Variants in TMEM40 observed in about 807,000 individuals in gnomAD.
The protein encoded by TMEM40 is transmembrane protein 40.
A neutral mutation model predicts 40.8 loss-of-function variants in TMEM40; 34 were observed. The ratio of observed to expected loss-of-function variants is 0.83; its 90% CI spans 0.63 to 1.11. The LOEUF (loss-of-function observed/expected upper bound fraction) is 1.11. Ranked by LOEUF, TMEM40 falls within the 50% of genes least tolerant of loss-of-function variation. The pLI is 0.00. For synonymous variants in TMEM40, 106 were observed against 107.0 expected (o/e 0.99, Z 0.06); for missense variants, 296 against 280.2 (o/e 1.06, Z -0.40).
At position 12,743,896 on chromosome 3, in the gene TMEM40, C is replaced by T. The variant is rs755898129; in HGVS notation, c.301+4G>A. On this transcript the variant is annotated splice_donor_region_variant and intron_variant, in intron 4 of 11. Transcript: ENST00000314124. Reference sequence around the variant, plus strand: ...AAAGAAAAATGGTAAGGCCTATTTCCTACCGGGTGAGCCGTTCCCGTGGGG... The same window carrying T: ...AAAGAAAAATGGTAAGGCCTATTTCTTACCGGGTGAGCCGTTCCCGTGGGG... The T allele has an allele frequency of 6.8e-6, 11 of 1,612,972 alleles. No homozygotes were observed. The South Asian group carries it at 9.9e-5, about 15-fold the overall frequency.
chr3:12,749,191 A>T (rs2106615666), intron 2 of TMEM40, among the ~76,000 whole-genome samples: 1 of 151,898 alleles, frequency 6.6e-6, no homozygotes, highest in Non-Finnish European at 1.5e-5. Context: ...CACCCGGCTA[A>T]TTTTTTGTAT....
At chr3:12,754,242 G>A (rs1319442161) in intron 1 of TMEM40, among the ~76,000 whole-genome samples, 1 of 152,152 alleles carries the variant, frequency 6.6e-6, no homozygotes, top group Non-Finnish European at 1.5e-5. Context: ...AACCCGGGAG[G>A]TGGAGCTGGC....
chr3:12,739,256 G>C (rs2061362587), intron 5 of TMEM40: 1 of 152,044 alleles, frequency 6.6e-6, no homozygotes, highest in South Asian at 2.1e-4. Context: ...AAAAGCCCTT[G>C]ACATTTACAA....
At chr3:12,742,548 CAG>C (rs1264559673) in intron 4 of TMEM40, 41 bp from the exon 5 acceptor site, 2 of 1,607,106 alleles carry the variant, frequency 1.2e-6, no homozygotes, top group South Asian at 1.1e-5. Context: ...TCCCCAAACA[CAG>C]TGATCCAGGC....
At chr3:12,741,040 G>A (rs1575732864) in intron 5 of TMEM40, among the ~76,000 whole-genome samples, 1 of 152,190 alleles carries the variant, frequency 6.6e-6, no homozygotes, top group South Asian at 2.1e-4. Context: ...GACTAGACAG[G>A]CAACTCCAAG....
chr3:12,734,609 G>C lies in TMEM40; in HGVS notation c.*165C>G. 1.3e-6 allele frequency: 1 copy of C among 779,292 alleles called. No individual in the cohort carries two copies. The highest frequency in any genetic ancestry group is 1.7e-5 in the South Asian group (1 of 57,714). 48.3% of individuals were successfully genotyped at this position (779,292 alleles called of 1,614,324 possible). A position where few individuals can be genotyped will look rare whatever the true frequency, so the allele number is the denominator to read the frequency against. On this transcript the variant is annotated 3_prime_UTR_variant, in exon 12 of 12. Coordinates refer to ENST00000314124, the MANE Select transcript of TMEM40 (RefSeq NM_018306.4). ...CTGCCCAAATGAGATGCCCCTGCCC[G>C]GGCTGGTGCCAACATTCAGACCACA... is the stretch of plus-strand genomic sequence containing the variant.
chr3:12,749,581 G>T (rs2061457061), intron 2 of TMEM40, among the ~76,000 whole-genome samples, 179 bp downstream of exon 2: 1 of 152,156 alleles, frequency 6.6e-6, no homozygotes, highest in African/African-American at 2.4e-5. Context: ...AGCACAGGAG[G>T]ACAGATTGGA....
At chr3:12,745,066 A>G (rs984323355) in intron 3 of TMEM40, among the ~76,000 whole-genome samples, 2 of 152,086 alleles carry the variant, frequency 1.3e-5, no homozygotes, top group Non-Finnish European at 2.9e-5. Flanking sequence ...AAATTATTCC[A>G]ATTTTTTTTT....
chr3:12,743,459 C>A (rs748944299), intron 4 of TMEM40, among the ~76,000 whole-genome samples: 4 of 152,068 alleles, frequency 2.6e-5, no homozygotes, highest in Non-Finnish European at 5.9e-5. Context: ...AAGAGCGAAA[C>A]CCTGTCTCCA....
intron 10 of TMEM40, among the ~76,000 whole-genome samples, chr3:12,735,837 C>T (rs1377315925): frequency 2.0e-5 from 3 of 152,192 alleles, no homozygotes; most frequent in African/African-American, 4.8e-5. Flanking sequence ...AAATTCAGTT[C>T]CCAACTCCAT....
At chr3:12,754,291 G>A (rs965593112) in intron 1 of TMEM40, among the ~76,000 whole-genome samples, 10 of 151,332 alleles carry the variant, frequency 6.6e-5, no homozygotes, top group Non-Finnish European at 1.2e-4. Flanking sequence ...CAGCCTGGGC[G>A]ACAGAGCACG....
intron 11 of TMEM40, among the ~76,000 whole-genome samples, chr3:12,735,168 T>G (rs1354218611): frequency 6.6e-6 from 1 of 152,138 alleles, no homozygotes; most frequent in African/African-American, 2.4e-5. Context: ...AAGTGTAACA[T>G]TGCTAAAGCC....
At chr3:12,750,683 G>A (rs576287059) in intron 1 of TMEM40, among the ~76,000 whole-genome samples, 21 of 152,266 alleles carry the variant, frequency 1.4e-4, no homozygotes, top group African/African-American at 4.8e-4. Flanking sequence ...CCTGGGTTAA[G>A]GCAATCCTCC....
At chr3:12,743,539 A>G (rs74387667) in intron 4 of TMEM40, among the ~76,000 whole-genome samples, 2,920 of 152,320 alleles carry the variant, frequency 0.019, 90 homozygotes, top group African/African-American at 0.064. Flanking sequence ...GGACAGTTCA[A>G]AAAAGGGAAA....
intron 1 of TMEM40, among the ~76,000 whole-genome samples, chr3:12,768,754 C>G (rs1042732043): frequency 6.6e-6 from 1 of 152,118 alleles, no homozygotes; most frequent in Non-Finnish European, 1.5e-5. Flanking sequence ...CACCGGGGGC[C>G]GCAGGTGGAG....
At chr3:12,769,349 G>C (rs2061612070) in exon 1 of TMEM40, 1 of 274,112 alleles carries the variant, frequency 3.6e-6, no homozygotes, top group Non-Finnish European at 8.2e-6. Flanking sequence ...AGTGCGGCCA[G>C]AGTGGGCGCC....
chr3:12,755,237 T>TCTCTC (rs1559533397), intron 1 of TMEM40, among the ~76,000 whole-genome samples: 2 of 46,604 alleles, frequency 4.3e-5, no homozygotes, highest in Non-Finnish European at 9.4e-5. Context: ...CTCTCTCTCT[T>TCTCTC]TCTTTCTTTC....
At chr3:12,740,644 G>C (rs950462282) in intron 5 of TMEM40, among the ~76,000 whole-genome samples, 3 of 151,662 alleles carry the variant, frequency 2.0e-5, no homozygotes, top group South Asian at 2.1e-4. Context: ...GATCACTTGA[G>C]TCCAGGAGTT....
chr3:12,749,854 A>G lies in TMEM40; in HGVS notation c.-8-14T>C. On this transcript the variant is annotated splice_polypyrimidine_tract_variant and intron_variant, in intron 1 of 11. Coordinates refer to ENST00000314124, the MANE Select transcript of TMEM40 (RefSeq NM_018306.4). Reference sequence around the variant, plus strand: ...CCATGGCTTTTCCTGGAGGAATAACAATAATCAGTAGTTAATATCACCTTA... The same window carrying G: ...CCATGGCTTTTCCTGGAGGAATAACGATAATCAGTAGTTAATATCACCTTA... 1 of 1,610,542 alleles carries G rather than the reference A, an allele frequency of 6.2e-7. No individual in the cohort carries two copies. The highest frequency in any genetic ancestry group is 8.5e-7 in the Non-Finnish European group (1 of 1,177,650).
Sources: allele counts gnomAD v4.1 joint callset (sites outside exome capture counted in the v4.1 genomes callset), GRCh38; gene constraint gnomAD v4.1.1; transcripts MANE v1.5; gene names NCBI Gene and HGNC (gene_info 2026-07-23, HGNC 2026-07-21).